The following ULK1 variants were observed in gnomAD, a reference collection of about 807,000 sequenced individuals.
ULK1 encodes the protein serine/threonine-protein kinase ULK1.
A neutral mutation model predicts 117.5 loss-of-function variants in ULK1; 48 were observed. That is an observed-to-expected ratio of 0.41 (90% CI 0.32 to 0.52). The LOEUF is 0.52. ULK1 is among the 20% of genes least tolerant of loss of function. The probability of loss-of-function intolerance (pLI) is 0.29; values close to 1 mark genes in which losing one functional copy is unlikely to be tolerated. For synonymous variants in ULK1, 790 were observed against 637.8 expected (o/e 1.24, Z -3.60); for missense variants, 1,387 against 1,473.4 (o/e 0.94, Z 0.96).
At position 131,895,467 on chromosome 12, in the gene ULK1, T is replaced by C. The variant is rs895895506; in HGVS notation, c.112-134T>C. On this transcript the variant is annotated intron_variant, in intron 1 of 27. Coordinates refer to ENST00000321867, the MANE Select transcript of ULK1 (RefSeq NM_003565.4). The stretch of plus-strand genomic sequence containing the variant: ...AGGACCCCCAGCGCGATCCTCAACC[T>C]GGCTCCCCACTCGGCCTTCCAGTCC... 4.9e-5 allele frequency: 36 copies of C among 732,686 alleles called. No homozygotes were observed. The African/African-American group carries it at 6.4e-4, about 13-fold the overall frequency. 45.4% of individuals were successfully genotyped at this position (732,686 alleles called of 1,614,324 possible).
In ULK1 at chr12:131,921,936, A is replaced by G; in HGVS notation, c.*575A>G. ...TGTTTGTACATACACATATGCAGAC[A>G]CATGCCAGGGCCCCCCAAGCCCGAG... On this transcript the variant is annotated 3_prime_UTR_variant, in exon 28 of 28. Transcript: ENST00000321867. 2.2e-6 allele frequency: 1 copy of G among 456,430 alleles called. No homozygotes were observed. The highest frequency in any genetic ancestry group is 1.5e-5 in the South Asian group (1 of 64,568). The allele number at this position is 456,430 out of a possible 1,614,324, so 28.3% of individuals were successfully genotyped here.
At position 131,916,165 on chromosome 12, in the gene ULK1, G is replaced by T; in HGVS notation, c.1878+6G>T. On this transcript the variant is annotated splice_donor_region_variant and intron_variant, in intron 19 of 27. Coordinates refer to ENST00000321867, the MANE Select transcript of ULK1 (RefSeq NM_003565.4). Reference sequence around the variant, plus strand: ...TCCTGGGCTCCCCCACCAAGGTAATGGGCACTGCCATGTGTGCAGGGGCAC... The same window carrying T: ...TCCTGGGCTCCCCCACCAAGGTAATTGGCACTGCCATGTGTGCAGGGGCAC... The T allele has an allele frequency of 6.2e-7, 1 of 1,610,590 alleles. No individual in the cohort carries two copies. The highest frequency in any genetic ancestry group is 2.2e-5 in the East Asian group (1 of 44,846).
rs750836305 is a variant in ULK1 at position 131,916,048 on chromosome 12, T to A, written c.1767T>A (p.Pro589=). The A allele has an allele frequency of 6.2e-7, 1 of 1,607,834 alleles. No individual in the cohort carries two copies. Among genetic ancestry groups the A allele is most frequent in the South Asian group, 1.1e-5 (1 of 90,892 alleles). The change falls in exon 19 of 28, where the codon CCT becomes CCA. Residue 589 remains proline (P), a synonymous_variant. Transcript: ENST00000321867. ...GAVFSPPQAS[P]PQPSHGLQSC... ...TGTTCAGCCCACCACAGGCCAGCCC[T>A]CCCCAGCCGTCCCACGGCCTGCAGT...
Position 131,895,881 on chromosome 12 carries a change from G to A in ULK1, c.246+57G>A. On this transcript the variant is annotated intron_variant, in intron 3 of 27. Transcript: ENST00000321867. ...CCGGGCTGGGGGACTGTGGCCCCAGGTGCTGGATCCCCTGGTGAGCACTGG... is the reference window on the plus strand; with the variant it reads ...CCGGGCTGGGGGACTGTGGCCCCAGATGCTGGATCCCCTGGTGAGCACTGG... 3 of 1,605,452 alleles carry A rather than the reference G, an allele frequency of 1.9e-6. No individual in the cohort carries two copies. In the South Asian group the frequency reaches 3.3e-5, roughly 18 times the overall value.
At chr12:131,896,215 G>A (rs1210833142) in intron 3 of ULK1, among the ~76,000 whole-genome samples, 1 of 152,116 alleles carries the variant, frequency 6.6e-6, no homozygotes, top group African/African-American at 2.4e-5. Context: ...GCATTGGCCG[G>A]CCTCGCTCTG....
chr12:131,894,982 GC>G lies in ULK1; in HGVS notation c.-15del, dbSNP rs748083864. On this transcript the variant is annotated 5_prime_UTR_variant, in exon 1 of 28. Transcript: ENST00000321867. ...CTTGGCCCGCCACCCCCCGCCCCGC[GC>G]CCCCGGCCCGCCTGCGCCATGGAGC... 3.6e-5 allele frequency: 37 copies of G among 1,026,406 alleles called. No homozygotes were observed. Among genetic ancestry groups the G allele is most frequent in the Admixed American group, 1.4e-4 (2 of 14,222 alleles). The allele number at this position is 1,026,406 out of a possible 1,614,324, so 63.6% of individuals were successfully genotyped here.
chr12:131,895,914 C>T, intron 3 of ULK1, 90 bp downstream of exon 3: 2 of 1,545,914 alleles, frequency 1.3e-6, no homozygotes, highest in South Asian at 1.1e-5. Context: ...TGGTGTTGAG[C>T]CTGTCCAGGC....
rs147384311 is a variant in ULK1 at position 131,898,920 on chromosome 12, C to T, written c.246+3096C>T. Among the ~76,000 whole-genome samples, 181 of 151,820 alleles carry T rather than the reference C, an allele frequency of 1.2e-3. 1 individual carries two copies. Among genetic ancestry groups the T allele is most frequent in the African/African-American group, 3.7e-3 (153 of 41,380 alleles). On this transcript the variant is annotated intron_variant, in intron 3 of 27. Transcript: ENST00000321867. ...TTGAGATGGAGCTTCTCTTTGTCACCCAGGCTGGAGTGCAGTGGCGCGATC... is the reference window on the plus strand; with the variant it reads ...TTGAGATGGAGCTTCTCTTTGTCACTCAGGCTGGAGTGCAGTGGCGCGATC...
In ULK1 at chr12:131,908,772, C is replaced by T. The variant is rs774697157; in HGVS notation, c.445C>T (p.Pro149Ser). The change falls in exon 6 of 28, where the codon CCC becomes TCC. Residue 149 changes from proline (P) to serine (S), a missense_variant. By Grantham distance (74) the Pro-to-Ser change is moderately conservative. Coordinates refer to ENST00000321867, the MANE Select transcript of ULK1 (RefSeq NM_003565.4). Reference protein sequence around the residue: ...LKPQNILLSNPAGRRANPNSI... With the variant: ...LKPQNILLSNSAGRRANPNSI... Reference sequence around the variant, plus strand: ...ACCGCAGAACATCCTGCTGTCCAACCCCGCCGGCCGCCGCGCCAACCCCAA... The same window carrying T: ...ACCGCAGAACATCCTGCTGTCCAACTCCGCCGGCCGCCGCGCCAACCCCAA... The T allele has an allele frequency of 1.2e-6, 2 of 1,607,978 alleles. No individual in the cohort carries two copies. The highest frequency in any genetic ancestry group is 1.7e-6 in the Non-Finnish European group (2 of 1,178,070).
In ULK1 at chr12:131,910,695, A is replaced by G. The variant is rs763382915; in HGVS notation, c.860-17A>G. The G allele has an allele frequency of 1.2e-5, 20 of 1,612,884 alleles. No individual in the cohort carries two copies. The highest frequency in any genetic ancestry group is 5.0e-5 in the Admixed American group (3 of 59,996). ...ACAGGAGGATGGCCCAGACTGACCTATGCATGTTTATCTCAGCCCCACCCG... is the reference window on the plus strand; with the variant it reads ...ACAGGAGGATGGCCCAGACTGACCTGTGCATGTTTATCTCAGCCCCACCCG... On this transcript the variant is annotated splice_polypyrimidine_tract_variant and intron_variant, in intron 11 of 27. Transcript: ENST00000321867.
rs555974006 is a variant in ULK1 at position 131,909,531 on chromosome 12, G to A, written c.667-244G>A. On this transcript the variant is annotated intron_variant, in intron 8 of 27. Coordinates refer to ENST00000321867, the MANE Select transcript of ULK1 (RefSeq NM_003565.4). The stretch of plus-strand genomic sequence containing the variant: ...CTGGTCAGAGGTGAGGGCAGCGCCG[G>A]GGCCGAGTGGGTGAGGGCTGGGAGG... Among the ~76,000 whole-genome samples the A allele has an allele frequency of 2.6e-5, 4 of 152,300 alleles. No individual in the cohort carries two copies. In the East Asian group the frequency reaches 7.7e-4, roughly 29 times the overall value.
intron 2 of ULK1, 36 bp downstream of exon 2, chr12:131,895,729 G>A (rs780212757): frequency 6.2e-7 from 1 of 1,613,344 alleles, no homozygotes; most frequent in Non-Finnish European, 8.5e-7. Context: ...GTGGGCGTGG[G>A]CGTGGGCAAG....
rs1301323615 is a variant in ULK1, at chr12:131,909,133, C to G, written c.565-3C>G. 1.9e-6 allele frequency: 3 copies of G among 1,605,572 alleles called. No individual in the cohort carries two copies. Among genetic ancestry groups the G allele is most frequent in the South Asian group, 2.2e-5 (2 of 90,072 alleles). ...CACACTGACCCGACTTCTGGTCCCG[C>G]AGGCCCCCGAGGTCATCATGTCCCA... is the stretch of plus-strand genomic sequence containing the variant. On this transcript the variant is annotated splice_region_variant and splice_polypyrimidine_tract_variant and intron_variant, in intron 7 of 27. Transcript: ENST00000321867.
rs757847836 is a variant in ULK1, at chr12:131,917,043, G to A, written c.2163G>A (p.Gln721=). 6 of 1,601,664 alleles carry A rather than the reference G, an allele frequency of 3.7e-6. No individual in the cohort carries two copies. The highest frequency in any genetic ancestry group is 5.1e-6 in the Non-Finnish European group (6 of 1,175,120). Reference sequence around the variant, plus strand: ...ACCCGGGCAGCACGGAGAGCCTGCAGGAGAAGCCCATGGAGATCGGTGTGT... The same window carrying A: ...ACCCGGGCAGCACGGAGAGCCTGCAAGAGAAGCCCATGGAGATCGGTGTGT... ...APDPGSTESL[Q]EKPMEIAPSA... is the part of the protein sequence containing the mutation. The change falls in exon 21 of 28, where the codon CAG becomes CAA. Residue 721 remains glutamine, a synonymous_variant. Transcript: ENST00000321867.
chr12:131,902,488 G>A lies in ULK1; in HGVS notation c.247-4404G>A, dbSNP rs545213794. On this transcript the variant is annotated intron_variant, in intron 3 of 27. Coordinates refer to ENST00000321867, the MANE Select transcript of ULK1 (RefSeq NM_003565.4). This position sits in a 1 kb window ranked among gnomAD's most constrained non-coding sequence, Gnocchi z 6.3. ...TGCGTGTGTGCAGGGTGTGGGGGCC[G>A]GCCTGCCTGGGGAGTGCTGTCCCAG... Among the ~76,000 whole-genome samples, 3 of 152,300 alleles carry A rather than the reference G, an allele frequency of 2.0e-5. No homozygotes were observed. Among genetic ancestry groups the A allele is most frequent in the South Asian group, 4.1e-4 (2 of 4,828 alleles).
Position 131,908,824 on chromosome 12 carries a change from C to T in ULK1, c.490+7C>T. ...AGCATCCGCGTCAAGATCGGTCAGC[C>T]CGCGGGCAGGCAGGCGGGCCCGGCG... On this transcript the variant is annotated splice_region_variant and intron_variant, in intron 6 of 27. Transcript: ENST00000321867. 2.5e-6 allele frequency: 4 copies of T among 1,606,230 alleles called. No individual in the cohort carries two copies. The highest frequency in any genetic ancestry group is 1.1e-5 in the South Asian group (1 of 90,758).
At chr12:131,911,844 C>T in intron 12 of ULK1, 98 bp from the exon 13 acceptor site, 1 of 1,555,990 alleles carries the variant, frequency 6.4e-7, no homozygotes, top group Non-Finnish European at 8.7e-7. Flanking sequence ...GCGCCCCGAT[C>T]TTTACTGGGG....
intron 15 of ULK1, 100 bp downstream of exon 15, chr12:131,913,936 C>T (rs1205964993): frequency 3.7e-6 from 4 of 1,087,852 alleles, no homozygotes; most frequent in South Asian, 4.2e-5. Context: ...CTGCTGTGTC[C>T]AGAGGCCCCT....
intron 5 of ULK1, among the ~76,000 whole-genome samples, chr12:131,908,153 C>T (rs1889353690): frequency 6.6e-6 from 1 of 152,078 alleles, no homozygotes; most frequent in Non-Finnish European, 1.5e-5. Flanking sequence ...AGCGCTGGGG[C>T]GGGAGTGCGG....
Sources: allele counts gnomAD v4.1 joint callset (sites outside exome capture counted in the v4.1 genomes callset), GRCh38; gene constraint gnomAD v4.1.1; non-coding constraint Gnocchi (gnomAD v3.1); transcripts MANE v1.5; gene names NCBI Gene and HGNC (gene_info 2026-07-23, HGNC 2026-07-21).